Variants in PRKCH observed in about 807,000 individuals in gnomAD.
PRKCH encodes the protein protein kinase C eta.
In PRKCH, 28 loss-of-function variants were observed where a neutral mutation model predicts 82.5. The observed-to-expected ratio is 0.34, with a 90% CI of 0.25 to 0.47. The LOEUF is 0.47. Ranked by LOEUF, PRKCH falls within the 20% of genes least tolerant of loss-of-function variation. The probability of loss-of-function intolerance (pLI) is 1.00; values close to 1 mark genes in which losing one functional copy is unlikely to be tolerated. For synonymous variants in PRKCH, 322 were observed against 327.4 expected, an observed-to-expected ratio of 0.98 and a Z score of 0.18; for missense variants, 705 against 881.8, an observed-to-expected ratio of 0.80 and a Z score of 2.54.
chr14:61,315,228 T>C (rs1473185287), intron 1 of PRKCH, among the ~76,000 whole-genome samples: 1 of 151,966 alleles, frequency 6.6e-6, no homozygotes, highest in African/African-American at 2.4e-5. Flanking sequence ...TTGCTGAGAG[T>C]CTCAGTCTTC....
chr14:61,381,083 AAACTGTT>A (rs1421862567), intron 1 of PRKCH, among the ~76,000 whole-genome samples: 1 of 152,210 alleles, frequency 6.6e-6, no homozygotes, highest in Non-Finnish European at 1.5e-5. Flanking sequence ...CAAAGTTCAG[AAACTGTT>A]TAGGACTTGG....
chr14:61,381,788 TC>T (rs1450402901), intron 1 of PRKCH, among the ~76,000 whole-genome samples: 1 of 152,172 alleles, frequency 6.6e-6, no homozygotes, highest in Admixed American at 6.5e-5. Flanking sequence ...TTGCCCAGGC[TC>T]CCAGGGGAAT....
At chr14:61,411,028 C>T (rs1231791582) in intron 2 of PRKCH, among the ~76,000 whole-genome samples, 2 of 152,218 alleles carry the variant, frequency 1.3e-5, no homozygotes, top group Non-Finnish European at 2.9e-5. Flanking sequence ...CATTTGAAGT[C>T]AGGACTTCCA....
chr14:61,354,404 T>TTG (rs3028729), intron 1 of PRKCH, among the ~76,000 whole-genome samples: 26,581 of 148,158 alleles, frequency 0.18, 2,419 homozygotes, highest in African/African-American at 0.25. Context: ...CTGTTTCTAT[T>TTG]TGTGTGTGTG....
At position 61,457,599 on chromosome 14, in the gene PRKCH, A is replaced by G; in HGVS notation, c.1198A>G (p.Thr400Ala). The G allele has an allele frequency of 1.2e-6, 2 of 1,614,150 alleles. No homozygotes were observed. Among genetic ancestry groups the G allele is most frequent in the Non-Finnish European group, 1.7e-6 (2 of 1,180,016 alleles). ...TCTGCAGGATGATGATGTGGAATGC[A>G]CCATGACCGAGAAAAGGATCCTGTC... ...VILQDDDVEC[T>A]MTEKRILSLA... The change falls in exon 9 of 14, where the codon ACC becomes GCC. Residue 400 changes from threonine (T) to alanine (A), a missense_variant. This residue lies in a region of PRKCH where 238 missense variants were observed against 258.1 expected (regional missense o/e 0.92). Coordinates refer to ENST00000332981, the MANE Select transcript of PRKCH (RefSeq NM_006255.5).
chr14:61,514,517 G>A (rs2042793774), intron 10 of PRKCH, among the ~76,000 whole-genome samples: 1 of 151,988 alleles, frequency 6.6e-6, no homozygotes, highest in Non-Finnish European at 1.5e-5. Context: ...CAAGACAGGG[G>A]ACCTCTGCAG....
At position 61,280,815 on chromosome 14, in the gene PRKCH, G is replaced by A; in HGVS notation, c.-19+93147G>A. The A allele has an allele frequency of 6.4e-7, 1 of 1,565,122 alleles. No homozygotes were observed. Among genetic ancestry groups the A allele is most frequent in the Non-Finnish European group, 8.6e-7 (1 of 1,164,486 alleles). ...TCTGGTAGAAGTTGGTCAGCTCGTAGTAGAGGTACACTGGGCCCTGGAAGA... is the reference window on the plus strand; with the variant it reads ...TCTGGTAGAAGTTGGTCAGCTCGTAATAGAGGTACACTGGGCCCTGGAAGA... On this transcript the variant is annotated intron_variant, in intron 1 of 3. Transcript: ENST00000555185. This position sits in a 1 kb window ranked among gnomAD's most constrained non-coding sequence, Gnocchi z 5.0.
intron 10 of PRKCH, among the ~76,000 whole-genome samples, chr14:61,512,792 AT>A (rs1177347015): frequency 6.6e-6 from 1 of 152,062 alleles, no homozygotes; most frequent in Admixed American, 6.5e-5. Context: ...TACAAGCCCA[AT>A]TTTCTTTGTT....
intron 9 of PRKCH, among the ~76,000 whole-genome samples, chr14:61,459,128 A>G (rs562802387): frequency 2.0e-5 from 3 of 152,212 alleles, no homozygotes; most frequent in African/African-American, 2.4e-5. Context: ...GCCCTGGAGA[A>G]GGCACCAAGA....
chr14:61,281,331 C>G (rs963732472), intron 1 of PRKCH: 2 of 372,092 alleles, frequency 5.4e-6, no homozygotes, highest in Non-Finnish European at 9.9e-6. Context: ...CCAGGCCCTA[C>G]GAGCAGTGCC....
rs77384588 is a variant in PRKCH, at chr14:61,431,836, G to A, written c.428-11275G>A. On this transcript the variant is annotated intron_variant, in intron 2 of 13. Coordinates refer to ENST00000332981, the MANE Select transcript of PRKCH (RefSeq NM_006255.5). ...TCTTTTACAGTGTATTTTATCTGACGTTAATGTGGCTGCATTGCATGTCTT... is the reference window on the plus strand; with the variant it reads ...TCTTTTACAGTGTATTTTATCTGACATTAATGTGGCTGCATTGCATGTCTT... 7.2e-3 allele frequency among the ~76,000 whole-genome samples: 1,102 copies of A among 152,170 alleles called. 17 individuals carry two copies. Among genetic ancestry groups the A allele is most frequent in the African/African-American group, 0.025 (1,053 of 41,516 alleles).
intron 2 of PRKCH, among the ~76,000 whole-genome samples, chr14:61,414,539 C>G (rs1882452714): frequency 6.6e-6 from 1 of 150,734 alleles, no homozygotes. Context: ...TCCCAAAGTG[C>G]TAGGATTACA....
chr14:61,508,814 T>G (rs1383288506), intron 10 of PRKCH, among the ~76,000 whole-genome samples: 1 of 152,140 alleles, frequency 6.6e-6, no homozygotes, highest in Non-Finnish European at 1.5e-5. Flanking sequence ...TGGTCTTTTT[T>G]TGCTAACTTT....
At chr14:61,257,637 A>C (rs1391415104) in intron 1 of PRKCH, among the ~76,000 whole-genome samples, 1 of 148,646 alleles carries the variant, frequency 6.7e-6, no homozygotes, top group Non-Finnish European at 1.5e-5. Context: ...ACACCCCCAC[A>C]CACACACACA....
chr14:61,338,363 T>A (rs996850622), intron 1 of PRKCH, among the ~76,000 whole-genome samples: 1 of 152,218 alleles, frequency 6.6e-6, no homozygotes, highest in Non-Finnish European at 1.5e-5. Context: ...AGATTTACTT[T>A]TTTTTGGTGT....
At chr14:61,430,721 T>C (rs2140258935) in intron 2 of PRKCH, among the ~76,000 whole-genome samples, 1 of 151,346 alleles carries the variant, frequency 6.6e-6, no homozygotes, top group East Asian at 1.9e-4. Flanking sequence ...AGACTCCCAG[T>C]AGATAGAAAA....
intron 1 of PRKCH, among the ~76,000 whole-genome samples, chr14:61,375,249 G>C (rs1471286941): frequency 6.6e-6 from 1 of 151,992 alleles, no homozygotes; most frequent in Non-Finnish European, 1.5e-5. Context: ...CCTCAGCTTG[G>C]ACTTCATTGT....
At chr14:61,481,836 G>C (rs1376632034) in intron 9 of PRKCH, among the ~76,000 whole-genome samples, 1 of 151,924 alleles carries the variant, frequency 6.6e-6, no homozygotes, top group African/African-American at 2.4e-5. Context: ...ACCTACATGA[G>C]AGCACAAGCA....
At chr14:61,438,994 G>A (rs543565868) in intron 2 of PRKCH, among the ~76,000 whole-genome samples, 6 of 152,186 alleles carry the variant, frequency 3.9e-5, no homozygotes, top group Admixed American at 6.5e-5. Flanking sequence ...GTGAATTTCC[G>A]TGCTGGGACA....
Sources: allele counts gnomAD v4.1 joint callset (sites outside exome capture counted in the v4.1 genomes callset), GRCh38; gene constraint gnomAD v4.1.1; regional missense constraint gnomAD v4.1.1; non-coding constraint Gnocchi (gnomAD v3.1); transcripts MANE v1.5; gene names NCBI Gene and HGNC (gene_info 2026-07-23, HGNC 2026-07-21).